The following CARMIL1 variants were observed in gnomAD, a reference collection of about 807,000 sequenced individuals.
CARMIL1 encodes capping protein regulator and myosin 1 linker 1, also known as F-actin-uncapping protein LRRC16A.
CARMIL1 carries 90 observed loss-of-function variants against 177.1 expected under a neutral mutation model. The ratio of observed to expected loss-of-function variants is 0.51; its 90% CI spans 0.43 to 0.61. The LOEUF (loss-of-function observed/expected upper bound fraction) is 0.61, where lower values mean the gene tolerates loss of function less well. CARMIL1 is among the 20% of genes least tolerant of loss of function. The pLI is 0.00. For missense variants in CARMIL1, 1,380 were observed against 1,667.0 expected, an observed-to-expected ratio of 0.83 and a Z score of 3.00; for synonymous variants, 577 against 606.2, an observed-to-expected ratio of 0.95 and a Z score of 0.71.
At chr6:25,412,638 A>G (rs1451215242) in intron 2 of CARMIL1, among the ~76,000 whole-genome samples, 1 of 152,164 alleles carries the variant, frequency 6.6e-6, no homozygotes, top group African/African-American at 2.4e-5. Flanking sequence ...TTAGCCATGT[A>G]TATATTAAAT....
intron 36 of CARMIL1, 87 bp from the exon 37 acceptor site, chr6:25,619,360 T>C: frequency 2.9e-6 from 4 of 1,400,958 alleles, no homozygotes; most frequent in Non-Finnish European, 3.8e-6. Flanking sequence ...CCCCAAACCT[T>C]CAAGGCTACT....
chr6:25,581,652 T>C (rs717224), intron 31 of CARMIL1, among the ~76,000 whole-genome samples: 2,865 of 152,258 alleles, frequency 0.019, 75 homozygotes, highest in African/African-American at 0.059. Context: ...AACAACATAA[T>C]TGTGGAGAAA....
At chr6:25,327,549 G>A (rs188160797) in intron 2 of CARMIL1, among the ~76,000 whole-genome samples, 127 of 152,282 alleles carry the variant, frequency 8.3e-4, no homozygotes, top group African/African-American at 2.9e-3. Context: ...TGATTTCACT[G>A]GCTCCCCTCC....
intron 2 of CARMIL1, among the ~76,000 whole-genome samples, chr6:25,315,373 A>G (rs1198788552): frequency 6.6e-6 from 1 of 152,120 alleles, no homozygotes; most frequent in African/African-American, 2.4e-5. Context: ...CTGTGTGAGG[A>G]TGATAGGCAC....
intron 2 of CARMIL1, among the ~76,000 whole-genome samples, chr6:25,305,297 G>A (rs1050247592): frequency 2.0e-5 from 3 of 152,140 alleles, no homozygotes; most frequent in African/African-American, 7.2e-5. Flanking sequence ...CTTTTTCCAG[G>A]AATATTGTGA....
chr6:25,459,303 C>T (rs1799935921), intron 8 of CARMIL1, among the ~76,000 whole-genome samples: 1 of 90,208 alleles, frequency 1.1e-5, no homozygotes. Flanking sequence ...TGCTGTATTA[C>T]CCAGCCTTGA....
chr6:25,532,682 T>G lies in CARMIL1; in HGVS notation c.2067+3789T>G, dbSNP rs1807889638. 3.3e-5 allele frequency among the ~76,000 whole-genome samples: 5 copies of G among 152,144 alleles called. No individual in the cohort carries two copies. The South Asian group carries it at 1.0e-3, about 32-fold the overall frequency. ...TGAAATATTGAAGTCTTGTAACTGG[T>G]TGTATTTGTTTTTGTCTGGTGACTT... is the stretch of plus-strand genomic sequence containing the variant. On this transcript the variant is annotated intron_variant, in intron 24 of 36. Transcript: ENST00000329474.
chr6:25,604,858 T>C lies in CARMIL1; in HGVS notation c.3599T>C (p.Leu1200Ser). Residue 1200 changes from leucine to serine, a missense_variant, in exon 34 of 37, where the codon TTG (leucine) becomes TCG (serine). Transcript: ENST00000329474. ...AVSQDSSSPA[L>S]SGVERSDGGG... ...TCCCAGGATTCTTCCAGCCCAGCTT[T>C]GAGCGGCGTAGAACGGTCGGATGGA... 2.5e-6 allele frequency: 4 copies of C among 1,599,346 alleles called. No homozygotes were observed. The highest frequency in any genetic ancestry group is 3.4e-6 in the Non-Finnish European group (4 of 1,173,440).
intron 21 of CARMIL1, among the ~76,000 whole-genome samples, chr6:25,516,438 G>C (rs1806007363): frequency 6.6e-6 from 1 of 152,166 alleles, no homozygotes; most frequent in South Asian, 2.1e-4. Context: ...TTGCTACCTA[G>C]GTCAGCAGTC....
Position 25,515,720 on chromosome 6 carries a change from G to T in CARMIL1, c.1678G>T (p.Val560Phe). The T allele has an allele frequency of 2.5e-6, 4 of 1,609,740 alleles. No homozygotes were observed. In the South Asian group the frequency reaches 4.5e-5, roughly 18 times the overall value. ...GGCTGACTCGAAACTCAAGACTGAG[G>T]TCACCATCATCATCAATGCCCTGGG... ...SLADSKLKTEVTIIINALGSN... is the reference protein window; with the variant it reads ...SLADSKLKTEFTIIINALGSN... The change falls in exon 21 of 37, where the codon GTC (valine) becomes TTC (phenylalanine). Residue 560 changes from valine to phenylalanine, a missense_variant. By Grantham distance (50) the Val-to-Phe change is conservative. Transcript: ENST00000329474. This position sits in a 1 kb window ranked among gnomAD's most constrained non-coding sequence, Gnocchi z 5.0.
Position 25,581,344 on chromosome 6 carries a change from A to C in CARMIL1, c.2911A>C (p.Ile971Leu), listed in dbSNP as rs1056478327. ...LRQEKRSSGFISELPSEEGKK... is the reference protein window; with the variant it reads ...LRQEKRSSGFLSELPSEEGKK... ...ACAGGAGAAGCGGAGCTCGGGATTT[A>C]TCTCTGAGTTGCCCTCTGAAGAGGG... Residue 971 changes from isoleucine to leucine, a missense_variant, in exon 31 of 37, where the codon ATC (isoleucine) becomes CTC (leucine). By Grantham distance (5) the Ile-to-Leu change is conservative. Transcript: ENST00000329474. 6.2e-7 allele frequency: 1 copy of C among 1,613,802 alleles called. No homozygotes were observed. Among genetic ancestry groups the C allele is most frequent in the African/African-American group, 1.3e-5 (1 of 74,998 alleles).
At chr6:25,283,389 A>G (rs757973794) in intron 1 of CARMIL1, among the ~76,000 whole-genome samples, 4 of 152,212 alleles carry the variant, frequency 2.6e-5, no homozygotes, top group Non-Finnish European at 5.9e-5. Flanking sequence ...TACTGCAGTC[A>G]TGCCTAGGTA....
rs1035083147 is a variant in CARMIL1, at chr6:25,529,412, C to T, written c.2067+519C>T. ...CTGCATTCCTCTTCTCTCTACCCAG[C>T]TTTACCAAAGAAACAGAATTATAAT... On this transcript the variant is annotated intron_variant, in intron 24 of 36. Coordinates refer to ENST00000329474, the MANE Select transcript of CARMIL1 (RefSeq NM_017640.6). 2.2e-4 allele frequency among the ~76,000 whole-genome samples: 34 copies of T among 152,230 alleles called. 2 individuals are homozygous for T. The highest frequency in any genetic ancestry group is 1.5e-3 in the Admixed American group (23 of 15,294).
intron 2 of CARMIL1, among the ~76,000 whole-genome samples, chr6:25,323,792 C>T (rs555571497): frequency 6.6e-6 from 1 of 152,356 alleles, no homozygotes; most frequent in African/African-American, 2.4e-5. Flanking sequence ...TCACATTCCC[C>T]ACTGTGCAAA....
intron 23 of CARMIL1, among the ~76,000 whole-genome samples, chr6:25,521,524 C>T (rs1277858083): frequency 6.6e-6 from 1 of 152,256 alleles, no homozygotes; most frequent in Admixed American, 6.5e-5. Flanking sequence ...AATCCCAACA[C>T]TTTGGGAGGC....
rs138588869 is a variant in CARMIL1, at chr6:25,464,709, A to T, written c.615-1164A>T. The stretch of plus-strand genomic sequence containing the variant: ...AGGGGACTGATGCTTAAAGCAACAA[A>T]CTATAATATAAGATAGAATAAATAA... On this transcript the variant is annotated intron_variant, in intron 8 of 36. Coordinates refer to ENST00000329474, the MANE Select transcript of CARMIL1 (RefSeq NM_017640.6). Among the ~76,000 whole-genome samples, 4 of 152,358 alleles carry T rather than the reference A, an allele frequency of 2.6e-5. No homozygotes were observed. The East Asian group carries it at 7.7e-4, about 29-fold the overall frequency.
intron 4 of CARMIL1, among the ~76,000 whole-genome samples, chr6:25,435,165 AC>A (rs1450379412): frequency 1.3e-5 from 2 of 152,180 alleles, no homozygotes; most frequent in African/African-American, 4.8e-5. Flanking sequence ...GGAAACACTT[AC>A]TTCAGTTTCT....
At position 25,610,123 on chromosome 6, in the gene CARMIL1, CAAAG is replaced by C; in HGVS notation, c.3923_3926del (p.Lys1308ArgfsTer125). 3 of 1,613,870 alleles carry C rather than the reference CAAAG, an allele frequency of 1.9e-6. No homozygotes were observed. Among genetic ancestry groups the C allele is most frequent in the Non-Finnish European group, 1.7e-6 (2 of 1,179,854 alleles). On this transcript the variant is annotated frameshift_variant, in exon 36 of 37. Transcript: ENST00000329474. LOFTEE classifies it high-confidence loss of function. ...CTGTCCTGAAAAAAGTTCCTTCAGA[CAAAG>C]AGAGAGATGGCCAGAGTAGCCCCCA...
At chr6:25,366,159 A>AG (rs1789771548) in intron 2 of CARMIL1, among the ~76,000 whole-genome samples, 1 of 148,752 alleles carries the variant, frequency 6.7e-6, no homozygotes, top group South Asian at 2.2e-4. Context: ...TGCCTGGCTA[A>AG]TTAAAAAAAA....
Sources: allele counts gnomAD v4.1 joint callset (sites outside exome capture counted in the v4.1 genomes callset), GRCh38; gene constraint gnomAD v4.1.1; non-coding constraint Gnocchi (gnomAD v3.1); transcripts MANE v1.5; gene names NCBI Gene and HGNC (gene_info 2026-07-23, HGNC 2026-07-21).